The following RNLS variants were observed in gnomAD, a reference collection of about 807,000 sequenced individuals.
The protein encoded by RNLS is renalase, FAD dependent amine oxidase.
A neutral mutation model predicts 39.8 loss-of-function variants in RNLS; 39 were observed. The observed-to-expected ratio is 0.98, with a 90% CI of 0.76 to 1.28. The LOEUF (loss-of-function observed/expected upper bound fraction) is 1.28. Among genes scored for constraint, RNLS ranks in the 50% most tolerant of loss-of-function variants. The pLI, the probability that RNLS is intolerant of heterozygous loss-of-function variation, is 0.00. For missense variants in RNLS, 410 were observed against 413.3 expected (o/e 0.99, Z 0.07); for synonymous variants, 147 against 150.7 (o/e 0.98, Z 0.18).
At chr10:88,180,661 G>C in the RNLS span, among the ~76,000 whole-genome samples, 1 of 152,142 alleles carries the variant, frequency 6.6e-6, no homozygotes, top group Admixed American at 6.6e-5. Flanking sequence ...GTATTCACCT[G>C]TAATCCCCAA....
At chr10:88,520,194 C>G (rs1328894578) in intron 4 of RNLS, among the ~76,000 whole-genome samples, 1 of 151,976 alleles carries the variant, frequency 6.6e-6, no homozygotes, top group Non-Finnish European at 1.5e-5. Flanking sequence ...TTGTTTTTCT[C>G]TACAGTTCTT....
chr10:88,340,984 G>A (rs1445029786), intron 5 of RNLS, among the ~76,000 whole-genome samples: 1 of 149,452 alleles, frequency 6.7e-6, no homozygotes, highest in Non-Finnish European at 1.5e-5. Flanking sequence ...GCTTGAACCT[G>A]AGAGGCAGAG....
chr10:88,293,066 C>CA (rs1216159700), intron 6 of RNLS, among the ~76,000 whole-genome samples: 23 of 149,350 alleles, frequency 1.5e-4, no homozygotes, highest in African/African-American at 2.2e-4. Flanking sequence ...TAACAAGAAA[C>CA]AAAAAAAAAA....
At chr10:88,482,990 C>A (rs1340609045) in intron 4 of RNLS, among the ~76,000 whole-genome samples, 1 of 151,590 alleles carries the variant, frequency 6.6e-6, no homozygotes, top group East Asian at 1.9e-4. Context: ...CCCTTTCTTC[C>A]TTTTTGTAGA....
At chr10:88,311,280 C>T (rs1346348071) in intron 6 of RNLS, among the ~76,000 whole-genome samples, 1 of 152,198 alleles carries the variant, frequency 6.6e-6, no homozygotes, top group African/African-American at 2.4e-5. Context: ...TAAATGTCCC[C>T]TGTCAAGGTA....
In RNLS at chr10:88,409,773, T is replaced by A. The variant is rs117317854; in HGVS notation, c.527-47048A>T. 9.0e-3 allele frequency among the ~76,000 whole-genome samples: 1,371 copies of A among 152,278 alleles called. 24 individuals carry two copies. Among genetic ancestry groups the A allele is most frequent in the East Asian group, 0.028 (145 of 5,176 alleles). On this transcript the variant is annotated intron_variant, in intron 4 of 6. Coordinates refer to ENST00000331772, the MANE Select transcript of RNLS (RefSeq NM_001031709.3). The stretch of plus-strand genomic sequence containing the variant: ...ATTTCTGATGACTGGCAACTTTTGT[T>A]TTAAAATCTTTTTATTTTTCATTTT...
At chr10:88,399,697 T>C (rs1474209345) in intron 4 of RNLS, among the ~76,000 whole-genome samples, 3 of 152,084 alleles carry the variant, frequency 2.0e-5, no homozygotes, top group African/African-American at 2.4e-5. Flanking sequence ...ACAGAGGTGC[T>C]TGTTACACAT....
chr10:88,519,956 G>T lies in RNLS; in HGVS notation c.526+52947C>A, dbSNP rs1376026727. Among the ~76,000 whole-genome samples, 3 of 151,830 alleles carry T rather than the reference G, an allele frequency of 2.0e-5. No individual in the cohort carries two copies. In the East Asian group the frequency reaches 5.8e-4, roughly 29 times the overall value. On this transcript the variant is annotated intron_variant, in intron 4 of 6. Transcript: ENST00000331772. ...CCAAACATTGTGCCCATGTCTTATG[G>T]ATACCACAATCTCCTGTTGCATTCT...
At chr10:88,504,930 G>C (rs773278795) in intron 4 of RNLS, among the ~76,000 whole-genome samples, 1 of 151,280 alleles carries the variant, frequency 6.6e-6, no homozygotes, top group African/African-American at 2.4e-5. Context: ...AGATAAATGG[G>C]GATGCCAATA....
At chr10:88,535,831 A>G (rs1355930973) in intron 4 of RNLS, among the ~76,000 whole-genome samples, 3 of 152,322 alleles carry the variant, frequency 2.0e-5, no homozygotes, top group Non-Finnish European at 2.9e-5. Flanking sequence ...GAAAGTGGAA[A>G]TGGCATATCT....
At chr10:88,245,923 A>G in the RNLS span, among the ~76,000 whole-genome samples, 1 of 152,102 alleles carries the variant, frequency 6.6e-6, no homozygotes, top group Non-Finnish European at 1.5e-5. Context: ...CTTTTTGTTC[A>G]TGCATCCCAA....
intron 5 of RNLS, among the ~76,000 whole-genome samples, chr10:88,339,379 T>C (rs1847762142): frequency 2.0e-5 from 3 of 152,168 alleles, no homozygotes; most frequent in Non-Finnish European, 2.9e-5. Flanking sequence ...GAGTAGGTGG[T>C]GGGGAAAGAA....
At chr10:88,476,984 C>T (rs1369333077) in intron 4 of RNLS, among the ~76,000 whole-genome samples, 1 of 143,234 alleles carries the variant, frequency 7.0e-6, no homozygotes, top group African/African-American at 2.5e-5. Context: ...AGTTTTGCCA[C>T]AAAAAGTAAG....
chr10:88,546,037 G>C (rs1848290001), intron 4 of RNLS, among the ~76,000 whole-genome samples: 1 of 151,976 alleles, frequency 6.6e-6, no homozygotes, highest in African/African-American at 2.4e-5. Context: ...ACTGGTAGGG[G>C]GGAGGGATAT....
chr10:88,508,129 T>C (rs530378918), intron 4 of RNLS, among the ~76,000 whole-genome samples: 4 of 152,296 alleles, frequency 2.6e-5, no homozygotes, highest in Admixed American at 1.3e-4. Context: ...CAACTGTGTA[T>C]GTGCTGGACT....
intron 4 of RNLS, among the ~76,000 whole-genome samples, chr10:88,489,624 T>C (rs1823716902): frequency 6.6e-6 from 1 of 152,010 alleles, no homozygotes; most frequent in Non-Finnish European, 1.5e-5. Context: ...TCAATTTGAG[T>C]CCCCCATTTT....
intron 5 of RNLS, among the ~76,000 whole-genome samples, chr10:88,351,982 A>G (rs1021684415): frequency 2.0e-5 from 3 of 152,048 alleles, no homozygotes; most frequent in Non-Finnish European, 4.4e-5. Flanking sequence ...ATGGGATTTC[A>G]CTCATGATTT....
chr10:88,552,156 G>A (rs1025967043), intron 4 of RNLS, among the ~76,000 whole-genome samples: 4 of 152,146 alleles, frequency 2.6e-5, no homozygotes, highest in African/African-American at 9.7e-5. Context: ...CACAGAAGAG[G>A]AATCAGAGAC....
intron 4 of RNLS, among the ~76,000 whole-genome samples, chr10:88,447,327 A>G (rs975465754): frequency 6.6e-6 from 1 of 152,032 alleles, no homozygotes; most frequent in Non-Finnish European, 1.5e-5. Flanking sequence ...TCAGGATACA[A>G]AATTAATGTG....
Sources: allele counts gnomAD v4.1 joint callset (sites outside exome capture counted in the v4.1 genomes callset), GRCh38; gene constraint gnomAD v4.1.1; transcripts MANE v1.5; gene names NCBI Gene and HGNC (gene_info 2026-07-23, HGNC 2026-07-21).